C2CD5: variants seen among roughly 807,000 people sequenced by gnomAD.
C2CD5 encodes the protein C2 calcium dependent domain containing 5.
A neutral mutation model predicts 130.3 loss-of-function variants in C2CD5; 109 were observed. The ratio of observed to expected loss-of-function variants is 0.84; its 90% confidence interval spans 0.72 to 0.98. The LOEUF is 0.98. Ranked by LOEUF, C2CD5 falls within the 50% of genes least tolerant of loss-of-function variation. The probability of loss-of-function intolerance (pLI) is 0.00; values close to 1 mark genes in which losing one functional copy is unlikely to be tolerated. For synonymous variants in C2CD5, 454 were observed against 429.2 expected, an observed-to-expected ratio of 1.06 and a Z score of -0.71; for missense variants, 996 against 1,261.8, an observed-to-expected ratio of 0.79 and a Z score of 3.19.
At chr12:22,473,528 T>C (rs1943372630) in intron 16 of C2CD5, among the ~76,000 whole-genome samples, 1 of 152,164 alleles carries the variant, frequency 6.6e-6, no homozygotes, top group Admixed American at 6.6e-5. Flanking sequence ...CTCTTTGTCC[T>C]CTCTTACTGG....
intron 5 of C2CD5, among the ~76,000 whole-genome samples, chr12:22,525,092 G>C (rs1005050240): frequency 3.9e-5 from 6 of 152,162 alleles, no homozygotes; most frequent in African/African-American, 1.4e-4. Flanking sequence ...GACATAACCT[G>C]AGGAGTCAAG....
intron 4 of C2CD5, 77 bp from the exon 5 acceptor site, chr12:22,525,782 TAAA>T: frequency 1.3e-6 from 1 of 762,352 alleles, no homozygotes; most frequent in Non-Finnish European, 2.3e-6. Flanking sequence ...AAATTAATGC[TAAA>T]TAATGATTTT....
At chr12:22,504,836 T>C (rs192051543) in intron 10 of C2CD5, among the ~76,000 whole-genome samples, 3,372 of 147,196 alleles carry the variant, frequency 0.023, 70 homozygotes, top group Non-Finnish European at 0.03. Flanking sequence ...GATATAGAAT[T>C]TGGCATAGTC....
chr12:22,493,127 C>G (rs562827837), intron 11 of C2CD5, 96 bp downstream of exon 11: 1 of 702,280 alleles, frequency 1.4e-6, no homozygotes, highest in East Asian at 2.6e-5. Context: ...CTGAACACTT[C>G]GCTATTCTCT....
intron 23 of C2CD5, 132 bp downstream of exon 23, chr12:22,459,360 A>C: frequency 2.0e-6 from 1 of 490,468 alleles, no homozygotes; most frequent in Non-Finnish European, 3.6e-6. Flanking sequence ...CTACCTACAA[A>C]AAAAAAAAAG....
At chr12:22,493,378 C>A in intron 10 of C2CD5, 41 bp from the exon 11 acceptor site, 1 of 1,011,398 alleles carries the variant, frequency 9.9e-7, no homozygotes, top group Non-Finnish European at 1.6e-6. Flanking sequence ...CTCAATAGCA[C>A]ATTATATATA....
chr12:22,538,125 TAAAC>T (rs1417869504), intron 2 of C2CD5, among the ~76,000 whole-genome samples: 1 of 152,186 alleles, frequency 6.6e-6, no homozygotes, highest in Non-Finnish European at 1.5e-5. Context: ...ATAAAACATA[TAAAC>T]AAACATTCAT....
chr12:22,542,846 A>T (rs1451669950), intron 2 of C2CD5, among the ~76,000 whole-genome samples: 8 of 152,226 alleles, frequency 5.3e-5, no homozygotes, highest in Non-Finnish European at 1.0e-4. Context: ...TGTGAAAACT[A>T]AGAATTTAAA....
In C2CD5 at chr12:22,474,903, A is replaced by G. The variant is rs751499437; in HGVS notation, c.1903-12T>C. ...TCTTCAGATATCTCCTAAAAGAAAT[A>G]TAATTGTTTTATATCATATGAGATT... On this transcript the variant is annotated splice_polypyrimidine_tract_variant and intron_variant, in intron 15 of 26. Coordinates refer to ENST00000446597, the MANE Select transcript of C2CD5 (RefSeq NM_001286176.2). 2 of 1,545,498 alleles carry G rather than the reference A, an allele frequency of 1.3e-6. No homozygotes were observed. Among genetic ancestry groups the G allele is most frequent in the African/African-American group, 1.4e-5 (1 of 72,126 alleles).
In C2CD5 at chr12:22,506,819, C is replaced by T; in HGVS notation, c.1039G>A (p.Glu347Lys). 1.3e-6 allele frequency: 2 copies of T among 1,562,504 alleles called. No individual in the cohort carries two copies. Among genetic ancestry groups the T allele is most frequent in the Non-Finnish European group, 1.8e-6 (2 of 1,133,208 alleles). Reference sequence around the variant, plus strand: ...GCCGTCAAGGTAAAAAATGGAAATTCCTAGTGGAAAGAATAAGGGAAAAAT... The same window carrying T: ...GCCGTCAAGGTAAAAAATGGAAATTTCTAGTGGAAAGAATAAGGGAAAAAT... ...QQTQSALEQR[E>K]FPFFTLTAFP... Residue 347 changes from glutamate to lysine, a missense_variant and splice_region_variant, in exon 10 of 27, where the codon GAA becomes AAA. Physicochemically the swap from Glu to Lys is moderately conservative, Grantham distance 56. Transcript: ENST00000446597.
At chr12:22,487,178 T>C (rs1241309991) in intron 12 of C2CD5, among the ~76,000 whole-genome samples, 4 of 152,070 alleles carry the variant, frequency 2.6e-5, no homozygotes, top group African/African-American at 7.2e-5. Context: ...CCAAAAGCAA[T>C]GGCAACAAAA....
chr12:22,453,278 A>AT (rs2135953387), intron 26 of C2CD5, among the ~76,000 whole-genome samples: 1 of 152,280 alleles, frequency 6.6e-6, no homozygotes, highest in African/African-American at 2.4e-5. Flanking sequence ...GTACCAGTGG[A>AT]CCACAGAAAT....
chr12:22,502,347 T>C (rs1345721134), intron 10 of C2CD5, among the ~76,000 whole-genome samples: 1 of 152,094 alleles, frequency 6.6e-6, no homozygotes, highest in African/African-American at 2.4e-5. Context: ...TGCATTTAAA[T>C]ATACTTTATT....
At chr12:22,459,404 G>A in intron 23 of C2CD5, 88 bp downstream of exon 23, 2 of 810,936 alleles carry the variant, frequency 2.5e-6, no homozygotes, top group Non-Finnish European at 4.0e-6. Context: ...ATTGTCCAGT[G>A]CATTTTCTTC....
At position 22,523,596 on chromosome 12, in the gene C2CD5, T is replaced by C; in HGVS notation, c.630A>G (p.Lys210=). The change falls in exon 7 of 27, where the codon AAA becomes AAG. Residue 210 remains lysine, a synonymous_variant. Transcript: ENST00000446597. ...CTGCATTTCCTCTCATTTCAAGTAC[T>C]TTCAAGCCAATCTTCCTCTGCAGCT... ...SGELQRKIGL[K]VLEMRGNAVV... 1 of 1,613,746 alleles carries C rather than the reference T, an allele frequency of 6.2e-7. No individual in the cohort carries two copies. The highest frequency in any genetic ancestry group is 8.5e-7 in the Non-Finnish European group (1 of 1,179,974).
intron 13 of C2CD5, among the ~76,000 whole-genome samples, chr12:22,483,200 C>T (rs771957848): frequency 1.2e-3 from 179 of 152,016 alleles, no homozygotes; most frequent in Non-Finnish European, 1.7e-3. Context: ...TTTAAAGAAT[C>T]ATATTTCAAT....
At chr12:22,478,010 C>T (rs1944106543) in intron 15 of C2CD5, 2 of 319,438 alleles carry the variant, frequency 6.3e-6, no homozygotes, top group African/African-American at 2.2e-5. Context: ...AACACACACA[C>T]TCACACACAC....
chr12:22,513,775 G>T (rs11609049), intron 8 of C2CD5, among the ~76,000 whole-genome samples: 14,338 of 152,026 alleles, frequency 0.094, 961 homozygotes, highest in African/African-American at 0.19. Context: ...CTGATTAAAT[G>T]TAAATATAGA....
At chr12:22,459,807 A>G (rs375501758) in intron 22 of C2CD5, among the ~76,000 whole-genome samples, 1 of 152,256 alleles carries the variant, frequency 6.6e-6, no homozygotes, top group Admixed American at 6.5e-5. Context: ...CTTTATAGTC[A>G]CAAGAAAATA....
Sources: gnomAD v4.1 joint callset for allele counts (sites outside exome capture counted in the v4.1 genomes callset) on GRCh38, gnomAD v4.1.1 for gene constraint, MANE v1.5 for transcripts, NCBI Gene and HGNC (gene_info 2026-07-23, HGNC 2026-07-21) for gene names.